Variants in SPOCK3 observed in about 807,000 individuals in gnomAD.
SPOCK3 encodes SPARC (osteonectin), cwcv and kazal like domains proteoglycan 3.
Under a neutral mutation model 56.6 loss-of-function variants are expected in SPOCK3, and 30 were observed. The ratio of observed to expected loss-of-function variants is 0.53; its 90% CI spans 0.40 to 0.72. The LOEUF (loss-of-function observed/expected upper bound fraction) is 0.72. Ranked by LOEUF, SPOCK3 falls within the 30% of genes least tolerant of loss-of-function variation. The probability of loss-of-function intolerance (pLI) is 0.00; values close to 1 mark genes in which losing one functional copy is unlikely to be tolerated. For synonymous variants in SPOCK3, 196 were observed against 183.3 expected (o/e 1.07, Z -0.56); for missense variants, 527 against 530.0 (o/e 0.99, Z 0.06).
intron 3 of SPOCK3, among the ~76,000 whole-genome samples, chr4:167,008,853 G>C (rs1369294591): frequency 1.3e-5 from 2 of 152,040 alleles, no homozygotes; most frequent in African/African-American, 4.8e-5. Context: ...AGAAGGGAGG[G>C]AAGCAGGGGA....
At position 166,733,455 on chromosome 4, in the gene SPOCK3, A is replaced by G. The variant is rs1733937681; in HGVS notation, c.*1466T>C. Reference sequence around the variant, plus strand: ...AAAAGAAAATGCATTATACTTTATTACGTAAAGTCAACATTAAATTTTGTA... The same window carrying G: ...AAAAGAAAATGCATTATACTTTATTGCGTAAAGTCAACATTAAATTTTGTA... On this transcript the variant is annotated 3_prime_UTR_variant, in exon 11 of 11. Transcript: ENST00000357545. The G allele has an allele frequency of 6.6e-6, 1 of 151,900 alleles. No individual in the cohort carries two copies. Among genetic ancestry groups the G allele is most frequent in the African/African-American group, 2.4e-5 (1 of 41,448 alleles). The allele number at this position is 151,900 out of a possible 1,614,324, so 9.4% of individuals were successfully genotyped here.
In SPOCK3 at chr4:167,165,521, C is replaced by T. The variant is rs1475770871; in HGVS notation, c.189+68464G>A. Reference sequence around the variant, plus strand: ...AACCACAGTGAGATGCCATCTCACACCAGTCAGAATGGCGATTATTAAAAG... The same window carrying T: ...AACCACAGTGAGATGCCATCTCACATCAGTCAGAATGGCGATTATTAAAAG... On this transcript the variant is annotated intron_variant, in intron 2 of 10. Transcript: ENST00000357545. 3.3e-5 allele frequency among the ~76,000 whole-genome samples: 5 copies of T among 152,044 alleles called. No homozygotes were observed. In the East Asian group the frequency reaches 9.7e-4, roughly 29 times the overall value.
intron 5 of SPOCK3, among the ~76,000 whole-genome samples, chr4:166,903,525 T>C (rs947687144): frequency 1.3e-5 from 2 of 152,108 alleles, no homozygotes; most frequent in African/African-American, 4.8e-5. Flanking sequence ...TTCTTTTCAC[T>C]GGAGGCACAG....
intron 6 of SPOCK3, among the ~76,000 whole-genome samples, chr4:166,847,056 C>T (rs1172790620): frequency 6.6e-6 from 1 of 151,958 alleles, no homozygotes; most frequent in Non-Finnish European, 1.5e-5. Context: ...TCCCACTAGC[C>T]ATCAAGAGAT....
At chr4:166,740,496 A>C (rs1427516955) in intron 9 of SPOCK3, among the ~76,000 whole-genome samples, 1 of 47,998 alleles carries the variant, frequency 2.1e-5, no homozygotes, top group Admixed American at 3.0e-4. Context: ...ATAAGAACTT[A>C]TTATTATTAT....
At chr4:167,035,459 C>T (rs932152238) in intron 3 of SPOCK3, among the ~76,000 whole-genome samples, 3 of 151,946 alleles carry the variant, frequency 2.0e-5, no homozygotes, top group African/African-American at 7.3e-5. Context: ...CCTTACGAGC[C>T]AGCTCAAGAA....
intron 2 of SPOCK3, among the ~76,000 whole-genome samples, chr4:167,080,447 A>G (rs551623460): frequency 6.6e-6 from 1 of 152,210 alleles, no homozygotes; most frequent in South Asian, 2.1e-4. Context: ...AATCTTGAGC[A>G]GTACTGTGCT....
At chr4:167,036,948 T>C (rs1284634655) in intron 3 of SPOCK3, among the ~76,000 whole-genome samples, 1 of 152,170 alleles carries the variant, frequency 6.6e-6, no homozygotes, top group Non-Finnish European at 1.5e-5. Flanking sequence ...GGGTGAGATT[T>C]TGGATCTAGA....
chr4:167,222,963 A>G (rs1389898338), intron 2 of SPOCK3, among the ~76,000 whole-genome samples: 16 of 127,414 alleles, frequency 1.3e-4, no homozygotes, highest in Non-Finnish European at 2.5e-4. Flanking sequence ...TATATTATAC[A>G]TATTTTATAT....
intron 2 of SPOCK3, among the ~76,000 whole-genome samples, chr4:167,158,287 T>A (rs1764982973): frequency 6.6e-6 from 1 of 152,000 alleles, no homozygotes; most frequent in African/African-American, 2.4e-5. Flanking sequence ...ATAGTCCTCA[T>A]GTCATCACCC....
chr4:166,972,305 A>G (rs977962688), intron 4 of SPOCK3, among the ~76,000 whole-genome samples: 3 of 152,170 alleles, frequency 2.0e-5, no homozygotes, highest in Non-Finnish European at 2.9e-5. Flanking sequence ...GAATCAGATG[A>G]AAATCTTCAA....
intron 2 of SPOCK3, among the ~76,000 whole-genome samples, chr4:167,174,200 T>C (rs1730762337): frequency 2.0e-5 from 3 of 152,098 alleles, no homozygotes; most frequent in Admixed American, 2.0e-4. Flanking sequence ...ATTATATTAG[T>C]GTATGATTTG....
intron 6 of SPOCK3, among the ~76,000 whole-genome samples, chr4:166,822,340 G>C (rs1435654876): frequency 6.6e-6 from 1 of 151,988 alleles, no homozygotes; most frequent in Non-Finnish European, 1.5e-5. Context: ...ATCAGTATTT[G>C]TCACACAGAG....
At chr4:166,744,955 A>G (rs549177940) in intron 8 of SPOCK3, among the ~76,000 whole-genome samples, 29 of 152,184 alleles carry the variant, frequency 1.9e-4, no homozygotes, top group Non-Finnish European at 4.3e-4. Flanking sequence ...GTAAAAATAA[A>G]CGAACAAAGC....
At chr4:166,891,579 T>C (rs180934625) in intron 5 of SPOCK3, among the ~76,000 whole-genome samples, 107 of 151,876 alleles carry the variant, frequency 7.0e-4, no homozygotes, top group African/African-American at 2.4e-3. Context: ...GCTTCAAAAA[T>C]TGAAAAAAAA....
intron 4 of SPOCK3, among the ~76,000 whole-genome samples, chr4:166,943,952 C>T (rs1272724517): frequency 6.6e-6 from 1 of 152,232 alleles, no homozygotes; most frequent in Non-Finnish European, 1.5e-5. Flanking sequence ...TCAAGACAAG[C>T]GTGGCCAACA....
intron 3 of SPOCK3, among the ~76,000 whole-genome samples, chr4:167,059,056 A>T (rs1313247207): frequency 1.3e-5 from 2 of 152,082 alleles, no homozygotes; most frequent in Non-Finnish European, 2.9e-5. Context: ...CCCTAGAAGA[A>T]AACCTAGGCA....
At position 167,190,931 on chromosome 4, in the gene SPOCK3, A is replaced by C. The variant is rs185950047; in HGVS notation, c.189+43054T>G. On this transcript the variant is annotated intron_variant, in intron 2 of 10. Transcript: ENST00000357545. ...CTTTGACAAAGGTTAGTCTACCATT[A>C]AGTGCATTAATTGACTTCTGATCTC... Among the ~76,000 whole-genome samples the C allele has an allele frequency of 2.6e-4, 38 of 145,570 alleles. 6 individuals are homozygous for C. The East Asian group carries it at 7.2e-3, about 28-fold the overall frequency.
chr4:166,902,750 C>A (rs1170656495), intron 5 of SPOCK3, among the ~76,000 whole-genome samples: 1 of 151,386 alleles, frequency 6.6e-6, no homozygotes, highest in African/African-American at 2.4e-5. Context: ...ATCTAATCTG[C>A]TGTTTAATCT....
Sources: gnomAD v4.1 joint callset for allele counts (sites outside exome capture counted in the v4.1 genomes callset) on GRCh38, gnomAD v4.1.1 for gene constraint, MANE v1.5 for transcripts, NCBI Gene and HGNC (gene_info 2026-07-23, HGNC 2026-07-21) for gene names.